Variants in PGLYRP4 observed in about 807,000 individuals in gnomAD.
The protein encoded by PGLYRP4 is peptidoglycan recognition protein 4.
In PGLYRP4, 39 loss-of-function variants were observed where a neutral mutation model predicts 41.2. The observed-to-expected ratio is 0.95, with a 90% CI of 0.73 to 1.24. The LOEUF (loss-of-function observed/expected upper bound fraction) is 1.24. Ranked by LOEUF, PGLYRP4 falls within the 50% of genes most tolerant of loss-of-function variation. The probability of loss-of-function intolerance (pLI) is 0.00; values close to 1 mark genes in which losing one functional copy is unlikely to be tolerated. For missense variants in PGLYRP4, 467 were observed against 460.7 expected, an observed-to-expected ratio of 1.01 and a Z score of -0.13; for synonymous variants, 202 against 186.8, an observed-to-expected ratio of 1.08 and a Z score of -0.66.
chr1:153,334,468 T>TTTATATATATA (rs1553197037), intron 8 of PGLYRP4, among the ~76,000 whole-genome samples: 1 of 142,530 alleles, frequency 7.0e-6, no homozygotes, highest in Admixed American at 7.0e-5. Context: ...ATATATTTAT[T>TTTATATATATA]TATATATATT....
At position 153,336,302 on chromosome 1, in the gene PGLYRP4, C is replaced by T. The variant is rs547786465; in HGVS notation, c.943+879G>A. ...CAGAGAATCGCTTGAACCCAGGAGG[C>T]GGAGGTTTCAGTAAGCCAAAACTGC... On this transcript the variant is annotated intron_variant, in intron 8 of 8. Transcript: ENST00000359650. Among the ~76,000 whole-genome samples, 82 of 127,376 alleles carry T rather than the reference C, an allele frequency of 6.4e-4. No individual in the cohort carries two copies. The South Asian group carries it at 6.7e-3, about 10-fold the overall frequency. The allele number at this position is 127,376 out of a possible 152,430, so 83.6% of individuals were successfully genotyped here.
At chr1:153,337,773 A>G (rs896546655) in intron 7 of PGLYRP4, among the ~76,000 whole-genome samples, 1 of 152,144 alleles carries the variant, frequency 6.6e-6, no homozygotes, top group African/African-American at 2.4e-5. Flanking sequence ...GTTTCCCCCA[A>G]GGTGACCCAG....
In PGLYRP4 at chr1:153,343,174, C is replaced by A; in HGVS notation, c.388G>T (p.Gly130Cys). The A allele has an allele frequency of 1.2e-6, 2 of 1,613,784 alleles. No homozygotes were observed. Among genetic ancestry groups the A allele is most frequent in the Non-Finnish European group, 8.5e-7 (1 of 1,179,690 alleles). ...LVGDDGRVYE[G>C]VGWNIQGVHT... is the part of the protein sequence containing the mutation. Reference sequence around the variant, plus strand: ...ACTCCTTGGATATTCCAGCCAACACCTTCATACACCCTGCCATCATCCCCA... The same window carrying A: ...ACTCCTTGGATATTCCAGCCAACACATTCATACACCCTGCCATCATCCCCA... Residue 130 changes from glycine to cysteine, a missense_variant, in exon 5 of 9, where the codon GGT (glycine) becomes TGT (cysteine). Transcript: ENST00000359650.
intron 8 of PGLYRP4, among the ~76,000 whole-genome samples, chr1:153,336,580 A>T (rs1004156957): frequency 6.6e-6 from 1 of 152,114 alleles, no homozygotes; most frequent in Non-Finnish European, 1.5e-5. Flanking sequence ...AGACTTCAAA[A>T]GGTGGGAAGG....
chr1:153,341,913 G>T, intron 5 of PGLYRP4, 134 bp from the exon 6 acceptor site: 1 of 750,734 alleles, frequency 1.3e-6, no homozygotes, highest in Non-Finnish European at 2.1e-6. Context: ...TATGCCCCCA[G>T]TTGGAGAGGC....
chr1:153,346,605 C>T (rs1322917969), intron 2 of PGLYRP4, among the ~76,000 whole-genome samples: 1 of 152,196 alleles, frequency 6.6e-6, no homozygotes, highest in African/African-American at 2.4e-5. Context: ...ACGGCTCAGA[C>T]CAGTTCCCCC....
At chr1:153,344,975 G>A (rs1041910793) in intron 4 of PGLYRP4, 194 bp downstream of exon 4, 2 of 578,916 alleles carry the variant, frequency 3.5e-6, no homozygotes, top group Non-Finnish European at 6.2e-6. Flanking sequence ...CCTCCTGGGA[G>A]CTCTCAGAGA....
chr1:153,346,109 A>G lies in PGLYRP4; in HGVS notation c.132T>C (p.Thr44=), dbSNP rs2101579497. 2 of 1,610,666 alleles carry G rather than the reference A, an allele frequency of 1.2e-6. No individual in the cohort carries two copies. The highest frequency in any genetic ancestry group is 8.5e-7 in the Non-Finnish European group (1 of 1,176,874). The change falls in exon 3 of 9, where the codon ACT becomes ACC. Residue 44 remains threonine (T), a synonymous_variant. Transcript: ENST00000359650. ...QYLFENISQL[T]EKGLPTDVST... is the part of the protein sequence containing the mutation. ...TATCCAGATCCAGTTTACCTTTTTC[A>G]GTGAGCTGGGAGATGTTCTCAAATA...
chr1:153,337,371 T>C, intron 7 of PGLYRP4, 72 bp from the exon 8 acceptor site: 1 of 905,168 alleles, frequency 1.1e-6, no homozygotes, highest in East Asian at 2.5e-5. Flanking sequence ...ATGTATTAAT[T>C]TATTCATGTC....
rs754148986 is a variant in PGLYRP4, at chr1:153,330,726, CAG to C, written c.*39_*40del. The C allele has an allele frequency of 3.2e-6, 5 of 1,572,558 alleles. No homozygotes were observed. In the African/African-American group the frequency reaches 6.8e-5, roughly 21 times the overall value. On this transcript the variant is annotated 3_prime_UTR_variant, in exon 9 of 9. Transcript: ENST00000359650. ...GATGGTTAGGACAGGAGAGACCTGA[CAG>C]GGGAGGGAAAGCAGTCTCAGAAGGA...
At chr1:153,343,887 T>A (rs1660899156) in intron 4 of PGLYRP4, among the ~76,000 whole-genome samples, 1 of 152,184 alleles carries the variant, frequency 6.6e-6, no homozygotes, top group Admixed American at 6.5e-5. Flanking sequence ...GAAAGTCCCT[T>A]GAGTAACTGC....
Position 153,335,117 on chromosome 1 carries a change from C to A in PGLYRP4, c.943+2064G>T, listed in dbSNP as rs144152847. ...TTAGAAGAAAACCCAGGGAAAAACT[C>A]TTCTGGACATGGGCCTAGGCAAAGC... On this transcript the variant is annotated intron_variant, in intron 8 of 8. Transcript: ENST00000359650. Among the ~76,000 whole-genome samples, 283 of 152,212 alleles carry A rather than the reference C, an allele frequency of 1.9e-3. 9 individuals are homozygous for A. In the East Asian group the frequency reaches 0.042, roughly 23 times the overall value.
At position 153,343,206 on chromosome 1, in the gene PGLYRP4, A is replaced by T. The variant is rs1660869013; in HGVS notation, c.356T>A (p.Phe119Tyr). Residue 119 changes from phenylalanine (F) to tyrosine (Y), a missense_variant and splice_region_variant, in exon 5 of 9, where the codon TTC becomes TAC. Coordinates refer to ENST00000359650, the MANE Select transcript of PGLYRP4 (RefSeq NM_020393.4). The part of the protein sequence containing the change: ...NNSGCDVAYN[F>Y]LVGDDGRVYE... The stretch of plus-strand genomic sequence containing the variant: ...CACCCTGCCATCATCCCCAACCAGG[A>T]AGCTATGGAGCAAGATAATACAGGT... 6.2e-7 allele frequency: 1 copy of T among 1,606,868 alleles called. No individual in the cohort carries two copies. The highest frequency in any genetic ancestry group is 1.3e-5 in the African/African-American group (1 of 74,822).
chr1:153,334,464 T>TATATATATATA (rs1553197034), intron 8 of PGLYRP4, among the ~76,000 whole-genome samples: 86 of 57,144 alleles, frequency 1.5e-3, no homozygotes, highest in South Asian at 4.5e-3. Flanking sequence ...ATATATATAT[T>TATATATATATA]TATTTATATA....
At chr1:153,344,971 G>A (rs1660939989) in intron 4 of PGLYRP4, 198 bp downstream of exon 4, 2 of 577,190 alleles carry the variant, frequency 3.5e-6, no homozygotes, top group Non-Finnish European at 6.2e-6. Flanking sequence ...GCTTCCTCCT[G>A]GGAGCTCTCA....
intron 2 of PGLYRP4, among the ~76,000 whole-genome samples, chr1:153,346,812 A>G (rs1357057560): frequency 6.6e-6 from 1 of 152,240 alleles, no homozygotes; most frequent in Non-Finnish European, 1.5e-5. Context: ...ATTTGCTTTT[A>G]CTGCCCACGT....
At chr1:153,334,704 T>C (rs1660476247) in intron 8 of PGLYRP4, among the ~76,000 whole-genome samples, 1 of 151,982 alleles carries the variant, frequency 6.6e-6, no homozygotes, top group African/African-American at 2.4e-5. Context: ...AAAAAACTAT[T>C]CTATAATTCA....
chr1:153,331,253 G>T (rs572485365), intron 8 of PGLYRP4, among the ~76,000 whole-genome samples: 31 of 152,302 alleles, frequency 2.0e-4, no homozygotes, highest in African/African-American at 7.0e-4. Context: ...ATTTGGCAGT[G>T]TCATGAGATA....
At chr1:153,336,996 TGA>T (rs1410044688) in intron 8 of PGLYRP4, among the ~76,000 whole-genome samples, 183 bp downstream of exon 8, 1 of 152,114 alleles carries the variant, frequency 6.6e-6, no homozygotes, top group African/African-American at 2.4e-5. Flanking sequence ...AGATATAGGG[TGA>T]GCATTATGTC....
Sources: allele counts gnomAD v4.1 joint callset (sites outside exome capture counted in the v4.1 genomes callset), GRCh38; gene constraint gnomAD v4.1.1; transcripts MANE v1.5; gene names NCBI Gene and HGNC (gene_info 2026-07-23, HGNC 2026-07-21).